NUP58: variants seen among roughly 807,000 people sequenced by gnomAD.
NUP58 encodes the protein nucleoporin p58/p45.
In NUP58, 17 loss-of-function variants were observed where a neutral mutation model predicts 70.1. That is an observed-to-expected ratio of 0.24 (90% CI 0.17 to 0.36). The LOEUF (loss-of-function observed/expected upper bound fraction) is 0.36. Ranked by LOEUF, NUP58 falls within the 10% of genes least tolerant of loss-of-function variation. NUP58 has a pLI of 1.00. For missense variants in NUP58, 644 were observed against 701.5 expected, an observed-to-expected ratio of 0.92 and a Z score of 0.93; for synonymous variants, 275 against 257.6, an observed-to-expected ratio of 1.07 and a Z score of -0.65.
intron 3 of NUP58, among the ~76,000 whole-genome samples, chr13:25,311,185 G>T (rs547235576): frequency 6.6e-6 from 1 of 152,226 alleles, no homozygotes; most frequent in Admixed American, 6.5e-5. Flanking sequence ...TTTGGTTTTG[G>T]AGCTTAGAAA....
Position 25,309,238 on chromosome 13 carries a change from T to A in NUP58, c.251-9T>A, listed in dbSNP as rs2030532899. 3 of 1,598,236 alleles carry A rather than the reference T, an allele frequency of 1.9e-6. No homozygotes were observed. The highest frequency in any genetic ancestry group is 2.6e-6 in the Non-Finnish European group (3 of 1,166,152). ...GATGATTAAATTTTATTTCTCTTTT[T>A]GTCCCCAGGAATAGCAACAACTATA... is the stretch of plus-strand genomic sequence containing the variant. On this transcript the variant is annotated splice_polypyrimidine_tract_variant and intron_variant, in intron 2 of 15. Transcript: ENST00000381736.
At chr13:25,302,864 A>G (rs773446722) in intron 1 of NUP58, 6 of 431,612 alleles carry the variant, frequency 1.4e-5, no homozygotes, top group African/African-American at 4.1e-5. Flanking sequence ...TTCTTACTCT[A>G]CTCGCTCAAC....
chr13:25,332,146 A>G, intron 13 of NUP58: 1 of 987,480 alleles, frequency 1.0e-6, no homozygotes, highest in Non-Finnish European at 1.2e-6. Context: ...TACCTTTCCA[A>G]GGTGAACAGA....
intron 3 of NUP58, among the ~76,000 whole-genome samples, chr13:25,347,759 G>C (rs2032066873): frequency 6.6e-6 from 1 of 152,116 alleles, no homozygotes; most frequent in African/African-American, 2.4e-5. Flanking sequence ...GTTTTTATAG[G>C]TGCATTAATA....
chr13:25,315,432 G>A lies in NUP58; in HGVS notation c.650G>A (p.Gly217Asp), dbSNP rs188205904. Residue 217 changes from glycine (G) to aspartate (D), a missense_variant, in exon 6 of 16, where the codon GGT becomes GAT. Physicochemically the swap from Gly to Asp is moderately conservative, Grantham distance 94. Transcript: ENST00000381736. ...TCAACTGCAGGCAATGAAGGCCTTG[G>A]TGGTATAGATTTCAGTAGCTCCTCA... is the stretch of plus-strand genomic sequence containing the variant. ...ATSTAGNEGL[G>D]GIDFSSSSDK... is the part of the protein sequence containing the mutation. 9.9e-6 allele frequency: 16 copies of A among 1,613,802 alleles called. No homozygotes were observed. In the Admixed American group the frequency reaches 2.7e-4, roughly 27 times the overall value.
intron 13 of NUP58, chr13:25,333,008 A>G: frequency 1.0e-6 from 1 of 984,766 alleles, no homozygotes; most frequent in Non-Finnish European, 1.2e-6. Context: ...AACATAGTGA[A>G]TTTCCATTCT....
At chr13:25,327,128 C>T in intron 11 of NUP58, 94 bp downstream of exon 11, 2 of 674,582 alleles carry the variant, frequency 3.0e-6, no homozygotes, top group Non-Finnish European at 2.5e-6. Context: ...TACTGGTAGC[C>T]CCTTTAAGAA....
intron 3 of NUP58, among the ~76,000 whole-genome samples, chr13:25,310,875 A>G (rs531295754): frequency 5.9e-5 from 9 of 152,188 alleles, no homozygotes; most frequent in Non-Finnish European, 1.2e-4. Context: ...CCTTGTGTCT[A>G]CATAATGCCT....
At chr13:25,309,003 T>C (rs962667373) in intron 2 of NUP58, among the ~76,000 whole-genome samples, 3 of 152,258 alleles carry the variant, frequency 2.0e-5, no homozygotes, top group Non-Finnish European at 2.9e-5. Flanking sequence ...AATTTTGTTA[T>C]AAGCAATAGT....
intron 7 of NUP58, 33 bp from the exon 8 acceptor site, chr13:25,320,497 A>C (rs778543288): frequency 2.0e-6 from 3 of 1,486,680 alleles, no homozygotes; most frequent in Admixed American, 1.7e-5. Flanking sequence ...TAAAATCTCA[A>C]TGACCTTAAT....
At chr13:25,331,931 A>G in intron 13 of NUP58, 1 of 1,062,860 alleles carries the variant, frequency 9.4e-7, no homozygotes, top group Non-Finnish European at 1.1e-6. Context: ...CCATTCTTTG[A>G]ATTTTTCATA....
At chr13:25,327,933 G>T (rs1257901464) in intron 12 of NUP58, among the ~76,000 whole-genome samples, 2 of 152,066 alleles carry the variant, frequency 1.3e-5, no homozygotes, top group African/African-American at 4.8e-5. Flanking sequence ...AGGCACAGTG[G>T]CTTACACCTG....
At position 25,306,443 on chromosome 13, in the gene NUP58, G is replaced by A. The variant is rs140410945; in HGVS notation, c.108-1363G>A. 2.3e-3 allele frequency among the ~76,000 whole-genome samples: 351 copies of A among 151,126 alleles called. 2 individuals carry two copies. Among genetic ancestry groups the A allele is most frequent in the African/African-American group, 8.0e-3 (331 of 41,120 alleles). On this transcript the variant is annotated intron_variant, in intron 1 of 15. Coordinates refer to ENST00000381736, the MANE Select transcript of NUP58 (RefSeq NM_014089.4). The stretch of plus-strand genomic sequence containing the variant: ...TGCTAAGTGGGTACTGTTAATTCCT[G>A]TTTTGCAGATGAGGAAATAGAGGCT...
chr13:25,315,334 T>C, intron 5 of NUP58, 23 bp from the exon 6 acceptor site: 1 of 1,535,306 alleles, frequency 6.5e-7, no homozygotes, highest in Non-Finnish European at 9.0e-7. Context: ...TGATGGAATT[T>C]ATAAGTTATG....
chr13:25,342,858 A>G (rs1371553134), downstream of NUP58, among the ~76,000 whole-genome samples: 1 of 152,074 alleles, frequency 6.6e-6, no homozygotes, highest in African/African-American at 2.4e-5. Flanking sequence ...AATAGGTTAA[A>G]AAGTTTGTGT....
At chr13:25,336,425 TACTC>T (rs1389598216) in intron 13 of NUP58, 7 of 524,092 alleles carry the variant, frequency 1.3e-5, no homozygotes, top group East Asian at 7.6e-5. Context: ...TTTGGGTACT[TACTC>T]TTATGAAATA....
At chr13:25,327,847 T>C (rs1407456762) in intron 12 of NUP58, among the ~76,000 whole-genome samples, 1 of 152,180 alleles carries the variant, frequency 6.6e-6, no homozygotes, top group African/African-American at 2.4e-5. Context: ...TTTAACCCAT[T>C]TTCTGTTGGA....
rs1467976077 is a variant in NUP58 at position 25,319,369 on chromosome 13, C to T, written c.710+19C>T. 1.2e-6 allele frequency: 2 copies of T among 1,600,836 alleles called. No homozygotes were observed. Among genetic ancestry groups the T allele is most frequent in the Non-Finnish European group, 8.6e-7 (1 of 1,169,036 alleles). On this transcript the variant is annotated intron_variant, in intron 7 of 15. Coordinates refer to ENST00000381736, the MANE Select transcript of NUP58 (RefSeq NM_014089.4). Reference sequence around the variant, plus strand: ...GACCAGAGTAAGTTTACAAATTTACCCTTAAGGCATTTTAATTGAAGAGTT... The same window carrying T: ...GACCAGAGTAAGTTTACAAATTTACTCTTAAGGCATTTTAATTGAAGAGTT...
chr13:25,333,647 T>G (rs2031685386), intron 13 of NUP58: 1 of 985,282 alleles, frequency 1.0e-6, no homozygotes, highest in Admixed American at 6.2e-5. Flanking sequence ...ATTTTCGTTA[T>G]TTTTAGTCAT....
Sources: gnomAD v4.1 joint callset for allele counts (sites outside exome capture counted in the v4.1 genomes callset) on GRCh38, gnomAD v4.1.1 for gene constraint, MANE v1.5 for transcripts, NCBI Gene and HGNC (gene_info 2026-07-23, HGNC 2026-07-21) for gene names.